Variants in DSCAM observed in about 807,000 individuals in gnomAD.
DSCAM encodes the protein DS cell adhesion molecule.
A neutral mutation model predicts 217.7 loss-of-function variants in DSCAM; 47 were observed. The ratio of observed to expected loss-of-function variants is 0.22; its 90% CI spans 0.17 to 0.28. The LOEUF is 0.28. Among genes scored for constraint, DSCAM ranks in the 10% least tolerant of loss-of-function variants. The pLI, the probability that DSCAM is intolerant of heterozygous loss-of-function variation, is 1.00. For synonymous variants in DSCAM, 1,056 were observed against 1,015.3 expected (o/e 1.04, Z -0.76); for missense variants, 2,080 against 2,618.3 (o/e 0.79, Z 4.49).
intron 3 of DSCAM, among the ~76,000 whole-genome samples, chr21:40,610,776 C>G (rs1458889203): frequency 2.6e-5 from 4 of 152,154 alleles, no homozygotes; most frequent in African/African-American, 9.7e-5. Flanking sequence ...AAGATGAGAC[C>G]TATGCAAGGT....
intron 1 of DSCAM, among the ~76,000 whole-genome samples, chr21:40,732,076 G>A (rs991782209): frequency 3.9e-5 from 6 of 152,104 alleles, no homozygotes; most frequent in African/African-American, 1.4e-4. Flanking sequence ...CACCTTCTGA[G>A]GTCAGTGGTT....
At chr21:40,485,469 C>G (rs1466638699) in intron 3 of DSCAM, among the ~76,000 whole-genome samples, 1 of 151,746 alleles carries the variant, frequency 6.6e-6, no homozygotes, top group Non-Finnish European at 1.5e-5. Context: ...GTCTCCATCT[C>G]CTGACCTCGT....
chr21:40,660,674 G>T (rs1453590804), intron 3 of DSCAM, among the ~76,000 whole-genome samples: 1 of 152,114 alleles, frequency 6.6e-6, no homozygotes, highest in Non-Finnish European at 1.5e-5. Flanking sequence ...TTTACTTTTA[G>T]ATAGCTATCT....
At chr21:40,576,156 T>C (rs1314433973) in intron 3 of DSCAM, among the ~76,000 whole-genome samples, 2 of 152,202 alleles carry the variant, frequency 1.3e-5, no homozygotes, top group African/African-American at 4.8e-5. Context: ...AAAATATTCA[T>C]ACCAGCCTTT....
At chr21:40,300,240 T>C (rs183494015) in intron 9 of DSCAM, among the ~76,000 whole-genome samples, 52 of 152,318 alleles carry the variant, frequency 3.4e-4, no homozygotes, top group Admixed American at 3.0e-3. Context: ...GTACCTCTAA[T>C]TCAAGTTTCC....
intron 1 of DSCAM, among the ~76,000 whole-genome samples, chr21:40,757,453 C>CT (rs1345600289): frequency 6.6e-6 from 1 of 152,196 alleles, no homozygotes; most frequent in African/African-American, 2.4e-5. Context: ...TGCAACGTGA[C>CT]TTGGCTGCTC....
chr21:40,314,401 G>T (rs1195815385), intron 8 of DSCAM, among the ~76,000 whole-genome samples: 1 of 152,144 alleles, frequency 6.6e-6, no homozygotes, highest in Non-Finnish European at 1.5e-5. Flanking sequence ...AGATCTTTGG[G>T]ATTGAAAAGG....
At chr21:40,539,166 C>T (rs985255900) in intron 3 of DSCAM, among the ~76,000 whole-genome samples, 3 of 152,132 alleles carry the variant, frequency 2.0e-5, no homozygotes, top group Non-Finnish European at 2.9e-5. Flanking sequence ...CCCCAGATGT[C>T]CACACCGGGT....
At chr21:40,817,649 C>T (rs903224353) in intron 1 of DSCAM, among the ~76,000 whole-genome samples, 2 of 152,196 alleles carry the variant, frequency 1.3e-5, no homozygotes, top group Non-Finnish European at 2.9e-5. Context: ...TCTCCCAAGA[C>T]TTAAAAATCT....
At chr21:40,451,587 T>C (rs1465775311) in intron 3 of DSCAM, among the ~76,000 whole-genome samples, 2 of 152,130 alleles carry the variant, frequency 1.3e-5, no homozygotes, top group Non-Finnish European at 2.9e-5. Context: ...TCCATTAAAA[T>C]TGCTTTCTCA....
chr21:40,754,949 G>A (rs1423397229), intron 1 of DSCAM, among the ~76,000 whole-genome samples: 1 of 152,232 alleles, frequency 6.6e-6, no homozygotes, highest in Non-Finnish European at 1.5e-5. Flanking sequence ...AATTGAGAGG[G>A]AAGAGAGTTT....
At chr21:40,143,937 C>A (rs1361884452) in intron 17 of DSCAM, among the ~76,000 whole-genome samples, 1 of 152,156 alleles carries the variant, frequency 6.6e-6, no homozygotes, top group African/African-American at 2.4e-5. Context: ...TACCAGGGTT[C>A]TCTATTTTCA....
chr21:40,248,820 TG>T (rs1334517136), intron 11 of DSCAM, among the ~76,000 whole-genome samples: 1 of 152,174 alleles, frequency 6.6e-6, no homozygotes, highest in African/African-American at 2.4e-5. Context: ...TACCTGAGAC[TG>T]GGAAGAAAAA....
intron 1 of DSCAM, among the ~76,000 whole-genome samples, chr21:40,794,467 C>A (rs1423539088): frequency 6.7e-6 from 1 of 149,860 alleles, no homozygotes; most frequent in Non-Finnish European, 1.5e-5. Flanking sequence ...CTTAACACAG[C>A]AACTTTGTTT....
intron 3 of DSCAM, among the ~76,000 whole-genome samples, chr21:40,614,025 C>T (rs147019244): frequency 6.6e-6 from 1 of 152,304 alleles, no homozygotes; most frequent in East Asian, 1.9e-4. Context: ...AAAGCACACC[C>T]ATATATTCCC....
chr21:40,340,597 A>T lies in DSCAM; in HGVS notation c.1211-1182T>A, dbSNP rs556617470. ...TGCCACAGGATTTCTGAGTCTGGTAAGAGACCTTGCTGGAGGGGACATCTT... is the reference window on the plus strand; with the variant it reads ...TGCCACAGGATTTCTGAGTCTGGTATGAGACCTTGCTGGAGGGGACATCTT... On this transcript the variant is annotated intron_variant, in intron 6 of 32. Coordinates refer to ENST00000400454, the MANE Select transcript of DSCAM (RefSeq NM_001389.5). 1.8e-3 allele frequency among the ~76,000 whole-genome samples: 267 copies of T among 152,296 alleles called. 2 individuals carry two copies. Among genetic ancestry groups the T allele is most frequent in the African/African-American group, 4.9e-3 (205 of 41,562 alleles).
intron 3 of DSCAM, among the ~76,000 whole-genome samples, chr21:40,507,889 C>T (rs1406992727): frequency 6.6e-6 from 1 of 152,190 alleles, no homozygotes; most frequent in East Asian, 1.9e-4. Flanking sequence ...TGTACCCCCT[C>T]GCCCCTCCAC....
intron 1 of DSCAM, among the ~76,000 whole-genome samples, chr21:40,834,587 C>T (rs1165292945): frequency 1.3e-5 from 2 of 151,986 alleles, no homozygotes; most frequent in Non-Finnish European, 2.9e-5. Flanking sequence ...CAGCCTCCTC[C>T]ATCAAAGACC....
intron 32 of DSCAM, among the ~76,000 whole-genome samples, chr21:40,022,649 A>T (rs1212854748): frequency 6.6e-6 from 1 of 152,212 alleles, no homozygotes; most frequent in African/African-American, 2.4e-5. Context: ...TGGAAAGAGC[A>T]GTAGTTACAG....
Sources: allele counts gnomAD v4.1 joint callset (sites outside exome capture counted in the v4.1 genomes callset), GRCh38; gene constraint gnomAD v4.1.1; transcripts MANE v1.5; gene names NCBI Gene and HGNC (gene_info 2026-07-23, HGNC 2026-07-21).